NEGR1: variants seen among roughly 807,000 people sequenced by gnomAD.
NEGR1 encodes IgLON family member 4.
In NEGR1, 10 loss-of-function variants were observed where a neutral mutation model predicts 40.9. That is an observed-to-expected ratio of 0.24 (90% confidence interval 0.15 to 0.42). NEGR1 has a LOEUF of 0.42. Ranked by LOEUF, NEGR1 falls within the 10% of genes least tolerant of loss-of-function variation. The pLI is 1.00. For missense variants in NEGR1, 352 were observed against 438.9 expected (o/e 0.80, Z 1.77); for synonymous variants, 185 against 166.8 (o/e 1.11, Z -0.84).
At chr1:71,711,448 A>G (rs1654087202) in intron 3 of NEGR1, among the ~76,000 whole-genome samples, 1 of 149,770 alleles carries the variant, frequency 6.7e-6, no homozygotes, top group African/African-American at 2.5e-5. Context: ...CAAATTCAGG[A>G]AGACATTCCA....
intron 4 of NEGR1, among the ~76,000 whole-genome samples, chr1:71,639,894 C>T (rs978010277): frequency 8.5e-5 from 13 of 152,056 alleles, no homozygotes; most frequent in African/African-American, 2.7e-4. Context: ...TCAGGCCACT[C>T]TTCTTAACAC....
chr1:71,948,159 C>A (rs12096710), intron 1 of NEGR1, among the ~76,000 whole-genome samples: 33 of 151,798 alleles, frequency 2.2e-4, no homozygotes, highest in African/African-American at 7.7e-4. Flanking sequence ...TCTGTTAAAA[C>A]AACAACTGGA....
At position 71,854,670 on chromosome 1, in the gene NEGR1, G is replaced by T. The variant is rs191865597; in HGVS notation, c.410-78373C>A. ...ACCTCAGGAAAGTTACAATCATGGA[G>T]GAAGGCAAAGGAGAAGAAGGCACCT... On this transcript the variant is annotated intron_variant, in intron 2 of 6. Coordinates refer to ENST00000357731, the MANE Select transcript of NEGR1 (RefSeq NM_173808.3). 5.9e-5 allele frequency among the ~76,000 whole-genome samples: 9 copies of T among 152,192 alleles called. No individual in the cohort carries two copies. The South Asian group carries it at 8.3e-4, about 14-fold the overall frequency.
At chr1:71,793,469 A>G (rs1373360130) in intron 2 of NEGR1, among the ~76,000 whole-genome samples, 1 of 150,570 alleles carries the variant, frequency 6.6e-6, no homozygotes, top group Non-Finnish European at 1.5e-5. Flanking sequence ...AAAGATATCT[A>G]CCAATATTTA....
chr1:71,919,933 C>T (rs1011693358), intron 2 of NEGR1, among the ~76,000 whole-genome samples: 1 of 152,192 alleles, frequency 6.6e-6, no homozygotes, highest in African/African-American at 2.4e-5. Context: ...GCTGCTTCCC[C>T]TGGCAGCTTC....
At chr1:72,281,824 G>C (rs1656264528) in intron 1 of NEGR1, among the ~76,000 whole-genome samples, 1 of 151,980 alleles carries the variant, frequency 6.6e-6, no homozygotes, top group Non-Finnish European at 1.5e-5. Flanking sequence ...AGAAAAGAAA[G>C]AAAACAGAAA....
At chr1:71,854,095 C>T in intron 2 of NEGR1, among the ~76,000 whole-genome samples, 1 of 152,078 alleles carries the variant, frequency 6.6e-6, no homozygotes, top group East Asian at 1.9e-4. Flanking sequence ...TGTATATTTA[C>T]TTTTACACAT....
intron 2 of NEGR1, among the ~76,000 whole-genome samples, chr1:71,921,718 A>C: frequency 6.9e-6 from 1 of 145,968 alleles, no homozygotes; most frequent in Non-Finnish European, 1.5e-5. Context: ...ATATATATAT[A>C]TATATATATA....
chr1:72,137,730 A>G (rs1339800794), intron 1 of NEGR1, among the ~76,000 whole-genome samples: 1 of 152,182 alleles, frequency 6.6e-6, no homozygotes, highest in Non-Finnish European at 1.5e-5. Context: ...TAATAAAAAA[A>G]TAAAAAAGAA....
At chr1:71,743,928 C>T (rs1195418575) in intron 3 of NEGR1, among the ~76,000 whole-genome samples, 1 of 152,162 alleles carries the variant, frequency 6.6e-6, no homozygotes, top group African/African-American at 2.4e-5. Context: ...TATAAAATAA[C>T]TCAATGTTTT....
chr1:72,265,725 T>C lies in NEGR1; in HGVS notation c.176+16594A>G, dbSNP rs576663620. On this transcript the variant is annotated intron_variant, in intron 1 of 6. Transcript: ENST00000357731. ...TAAAAGATATTTGAAAAATCTTCAA[T>C]GAGCTTCCTATTTTTATAAATTTTA... is the stretch of plus-strand genomic sequence containing the variant. 3.9e-4 allele frequency among the ~76,000 whole-genome samples: 59 copies of C among 151,140 alleles called. No homozygotes were observed. The Middle Eastern group carries it at 0.014, about 35-fold the overall frequency.
intron 1 of NEGR1, among the ~76,000 whole-genome samples, chr1:72,271,198 C>T (rs547265381): frequency 3.8e-4 from 57 of 151,908 alleles, no homozygotes; most frequent in Non-Finnish European, 5.2e-4. Context: ...AGCAACTTCA[C>T]GTCTAGAATT....
intron 2 of NEGR1, among the ~76,000 whole-genome samples, chr1:71,850,489 G>A (rs532670816): frequency 1.3e-5 from 2 of 152,118 alleles, no homozygotes; most frequent in Admixed American, 6.5e-5. Context: ...TGTCTTAATT[G>A]TAGGTCAAAA....
chr1:72,255,431 GC>G (rs1367704047), intron 1 of NEGR1, among the ~76,000 whole-genome samples: 3 of 152,072 alleles, frequency 2.0e-5, no homozygotes, highest in African/African-American at 4.8e-5. Flanking sequence ...TATTCAGAAT[GC>G]AAGAAAGCAC....
intron 2 of NEGR1, among the ~76,000 whole-genome samples, chr1:71,788,595 C>A (rs529851607): frequency 6.6e-6 from 1 of 151,960 alleles, no homozygotes; most frequent in Non-Finnish European, 1.5e-5. Flanking sequence ...TTCTCTTTAA[C>A]GCCTTGATTT....
In NEGR1 at chr1:71,474,368, C is replaced by T. The variant is rs115863941; in HGVS notation, c.941-66798G>A. On this transcript the variant is annotated intron_variant, in intron 6 of 6. Coordinates refer to ENST00000357731, the MANE Select transcript of NEGR1 (RefSeq NM_173808.3). ...TGAGGAAGACTGTGTCTATGTGTGA[C>T]AATGAGAGAAGAAATTGTTCAGGGC... Among the ~76,000 whole-genome samples the T allele has an allele frequency of 9.5e-3, 1,404 of 147,136 alleles. 22 individuals are homozygous for T. Among genetic ancestry groups the T allele is most frequent in the African/African-American group, 0.034 (1,339 of 39,934 alleles).
rs550142180 is a variant in NEGR1 at position 71,960,135 on chromosome 1, T to A, written c.177-24824A>T. On this transcript the variant is annotated intron_variant, in intron 1 of 6. Transcript: ENST00000357731. ...TTGGCATTCACATATGGTACTCTTT[T>A]CTTTAAGCTTAAAAAAATGGACTAT... Among the ~76,000 whole-genome samples, 9 of 152,284 alleles carry A rather than the reference T, an allele frequency of 5.9e-5. No individual in the cohort carries two copies. In the South Asian group the frequency reaches 1.4e-3, roughly 25 times the overall value.
chr1:71,613,426 C>G (rs1650331526), intron 4 of NEGR1, among the ~76,000 whole-genome samples: 1 of 152,008 alleles, frequency 6.6e-6, no homozygotes, highest in South Asian at 2.1e-4. Flanking sequence ...GCGGGTGGAT[C>G]ACCTGAGGTC....
chr1:71,699,300 C>T (rs1334120440), intron 3 of NEGR1, among the ~76,000 whole-genome samples: 1 of 151,882 alleles, frequency 6.6e-6, no homozygotes, highest in Admixed American at 6.6e-5. Flanking sequence ...TTCCCCCATG[C>T]ACTTCTGTGT....
Sources: gnomAD v4.1 joint callset for allele counts (sites outside exome capture counted in the v4.1 genomes callset) on GRCh38, gnomAD v4.1.1 for gene constraint, MANE v1.5 for transcripts, NCBI Gene and HGNC (gene_info 2026-07-23, HGNC 2026-07-21) for gene names.